Variants in GNG7 observed in about 807,000 individuals in gnomAD.
The protein encoded by GNG7 is G protein subunit gamma 7.
In GNG7, 1 loss-of-function variant was observed where a neutral mutation model predicts 4.0. That is an observed-to-expected ratio of 0.25 (90% CI 0.09 to 1.18). The LOEUF is 1.18. GNG7 is among the 50% of genes most tolerant of loss of function. The probability of loss-of-function intolerance (pLI) is 0.50; values close to 1 mark genes in which losing one functional copy is unlikely to be tolerated. For missense variants in GNG7, 86 were observed against 91.9 expected (o/e 0.94, Z 0.26); for synonymous variants, 34 against 36.9 (o/e 0.92, Z 0.29).
chr19:2,594,450 G>GAAGA, intron 2 of GNG7, among the ~76,000 whole-genome samples: 1 of 149,424 alleles, frequency 6.7e-6, no homozygotes, highest in Non-Finnish European at 1.5e-5. Context: ...AAGGAAGGAG[G>GAAGA]AAGAAAGAAA....
chr19:2,513,014 C>T lies in GNG7; in HGVS notation c.*2008G>A. 2.0e-6 allele frequency: 2 copies of T among 985,474 alleles called. No individual in the cohort carries two copies. The highest frequency in any genetic ancestry group is 6.1e-5 in the Admixed American group (1 of 16,292). The allele number at this position is 985,474 out of a possible 1,614,324, so 61.0% of individuals were successfully genotyped here. Reference sequence around the variant, plus strand: ...CAGCAGGTTTGGCGGGTAGGGCTCCCCGAAGCCCCAGCCCTCCCGGACCTG... The same window carrying T: ...CAGCAGGTTTGGCGGGTAGGGCTCCTCGAAGCCCCAGCCCTCCCGGACCTG... On this transcript the variant is annotated 3_prime_UTR_variant, in exon 5 of 5. Coordinates refer to ENST00000382159, the MANE Select transcript of GNG7 (RefSeq NM_052847.3).
chr19:2,604,094 C>T (rs1981299704), intron 2 of GNG7, among the ~76,000 whole-genome samples: 1 of 151,968 alleles, frequency 6.6e-6, no homozygotes, highest in Admixed American at 6.6e-5. Context: ...TCGTGATCCA[C>T]CCGCCTCGGC....
intron 1 of GNG7, among the ~76,000 whole-genome samples, chr19:2,677,166 C>G (rs955026248): frequency 3.9e-5 from 6 of 152,110 alleles, no homozygotes; most frequent in African/African-American, 7.2e-5. Context: ...GGAGACAGGG[C>G]CTTCCAGGAG....
chr19:2,577,498 C>T (rs1042822136), intron 2 of GNG7, among the ~76,000 whole-genome samples: 2 of 152,086 alleles, frequency 1.3e-5, no homozygotes, highest in Non-Finnish European at 2.9e-5. Context: ...CACTTCTTCA[C>T]ACCAGGAACC....
At chr19:2,657,424 A>C (rs1983026861) in intron 1 of GNG7, among the ~76,000 whole-genome samples, 1 of 138,730 alleles carries the variant, frequency 7.2e-6, no homozygotes, top group Non-Finnish European at 1.5e-5. Flanking sequence ...TTATCCTAAA[A>C]AGAGAAACAG....
At chr19:2,568,399 CACACACATATACACATAG>C (rs1385425222) in intron 2 of GNG7, among the ~76,000 whole-genome samples, 15 of 144,194 alleles carry the variant, frequency 1.0e-4, no homozygotes, top group South Asian at 2.1e-4. Flanking sequence ...AACACAAACA[CACACACATATACACATAG>C]ACATACACAC....
chr19:2,623,701 T>C (rs572779252), intron 2 of GNG7, among the ~76,000 whole-genome samples: 1 of 152,150 alleles, frequency 6.6e-6, no homozygotes, highest in Admixed American at 6.5e-5. Context: ...GGCAATGTGG[T>C]GAAACCCCAT....
In GNG7 at chr19:2,617,266, A is replaced by G. The variant is rs1981747265; in HGVS notation, c.-78+28958T>C. ...TATCACCCAGAGTCCCCTGGAGGCA[A>G]ACCTGTCCCACTTAAGAACCGCTGG... On this transcript the variant is annotated intron_variant, in intron 2 of 4. Coordinates refer to ENST00000382159, the MANE Select transcript of GNG7 (RefSeq NM_052847.3). This position sits in a 1 kb window ranked among gnomAD's most constrained non-coding sequence, Gnocchi z 4.7. 6.6e-6 allele frequency among the ~76,000 whole-genome samples: 1 copy of G among 152,074 alleles called. No homozygotes were observed. Among genetic ancestry groups the G allele is most frequent in the Non-Finnish European group, 1.5e-5 (1 of 68,016 alleles).
At chr19:2,582,483 A>G (rs969541772) in intron 2 of GNG7, among the ~76,000 whole-genome samples, 10 of 149,174 alleles carry the variant, frequency 6.7e-5, no homozygotes, top group Non-Finnish European at 1.5e-4. Context: ...TAGCCTTTAA[A>G]TGACAATTTT....
Position 2,512,300 on chromosome 19 carries a change from G to A in GNG7, c.*2722C>T, listed in dbSNP as rs1833825164. The A allele has an allele frequency of 9.1e-6, 9 of 985,782 alleles. No individual in the cohort carries two copies. Among genetic ancestry groups the A allele is most frequent in the Non-Finnish European group, 1.1e-5 (9 of 829,912 alleles). 61.1% of individuals were successfully genotyped at this position (985,782 alleles called of 1,614,324 possible). On this transcript the variant is annotated 3_prime_UTR_variant, in exon 5 of 5. Transcript: ENST00000382159. This position sits in a 1 kb window ranked among gnomAD's most constrained non-coding sequence, Gnocchi z 4.7. ...TGTGGCGGTCGGTGTGTGCACTCGGGTGCCACGTCTGCAAAGGTATTTTCC... is the reference window on the plus strand; with the variant it reads ...TGTGGCGGTCGGTGTGTGCACTCGGATGCCACGTCTGCAAAGGTATTTTCC...
At chr19:2,620,942 G>A (rs76604618) in intron 2 of GNG7, among the ~76,000 whole-genome samples, 4,721 of 152,212 alleles carry the variant, frequency 0.031, 250 homozygotes, top group African/African-American at 0.11. Context: ...ATTTATAAAA[G>A]GGGTGACGTG....
chr19:2,673,080 C>T (rs1368463101), intron 1 of GNG7, among the ~76,000 whole-genome samples: 1 of 150,682 alleles, frequency 6.6e-6, no homozygotes, highest in Non-Finnish European at 1.5e-5. Context: ...CACGGTGAAA[C>T]CCCGTCTCTA....
intron 3 of GNG7, among the ~76,000 whole-genome samples, chr19:2,541,122 A>C (rs992475939): frequency 2.0e-5 from 3 of 152,202 alleles, no homozygotes; most frequent in Admixed American, 6.5e-5. Context: ...AGCGGGAGCT[A>C]CCGAGGGTTC....
intron 2 of GNG7, among the ~76,000 whole-genome samples, chr19:2,589,482 A>C (rs1980776404): frequency 6.8e-6 from 1 of 146,516 alleles, no homozygotes; most frequent in African/African-American, 2.5e-5. Context: ...GGCCTCCCTA[A>C]GTGCTGAGAT....
rs1209771244 is a variant in GNG7 at position 2,657,362 on chromosome 19, ATATATATATATATAT to A, written c.-134-11097_-134-11083del. ...TAAAAAAAAAAAAAAAAAAAAAAAAATATATATATATATATATATATATATATATATATATATACA... is the reference window on the plus strand; with the variant it reads ...TAAAAAAAAAAAAAAAAAAAAAAAAAATATATATATATATATATATATACA... On this transcript the variant is annotated intron_variant, in intron 1 of 4. Transcript: ENST00000382159. 7.2e-3 allele frequency among the ~76,000 whole-genome samples: 77 copies of A among 10,764 alleles called. 7 individuals are homozygous for A. The highest frequency in any genetic ancestry group is 9.0e-3 in the Non-Finnish European group (58 of 6,478). The allele number at this position is 10,764 out of a possible 152,430, so 7.1% of individuals were successfully genotyped here. A position where few individuals can be genotyped will look rare whatever the true frequency, so the allele number is the denominator to read the frequency against.
intron 3 of GNG7, among the ~76,000 whole-genome samples, chr19:2,539,923 TTC>T (rs1472365028): frequency 7.8e-6 from 1 of 129,024 alleles, no homozygotes; most frequent in Admixed American, 7.8e-5. Flanking sequence ...CTCTTTCTCT[TTC>T]TTTCTTCTCT....
At chr19:2,682,310 T>C (rs1332666350) in intron 1 of GNG7, among the ~76,000 whole-genome samples, 1 of 152,124 alleles carries the variant, frequency 6.6e-6, no homozygotes, top group Non-Finnish European at 1.5e-5. Flanking sequence ...GAAACGTGGC[T>C]GGTTCCATCA....
intron 4 of GNG7, among the ~76,000 whole-genome samples, chr19:2,516,634 C>T (rs572029838): frequency 6.6e-6 from 1 of 152,336 alleles, no homozygotes; most frequent in African/African-American, 2.4e-5. Flanking sequence ...GAGTCCAAGA[C>T]CTCATTCTCA....
chr19:2,585,502 G>C (rs1445881058), intron 2 of GNG7, among the ~76,000 whole-genome samples: 1 of 152,284 alleles, frequency 6.6e-6, no homozygotes, highest in Non-Finnish European at 1.5e-5. Context: ...AAGAGTATAC[G>C]AAGTGCCTGC....
Sources: allele counts gnomAD v4.1 joint callset (sites outside exome capture counted in the v4.1 genomes callset), GRCh38; gene constraint gnomAD v4.1.1; non-coding constraint Gnocchi (gnomAD v3.1); transcripts MANE v1.5; gene names NCBI Gene and HGNC (gene_info 2026-07-23, HGNC 2026-07-21).